OSBPL3: variants seen among roughly 807,000 people sequenced by gnomAD.
OSBPL3 encodes oxysterol-binding protein-related protein 3.
In OSBPL3, 65 loss-of-function variants were observed where a neutral mutation model predicts 120.1. That is an observed-to-expected ratio of 0.54 (90% CI 0.44 to 0.67). The LOEUF is 0.67. OSBPL3 is among the 30% of genes least tolerant of loss of function. The probability of loss-of-function intolerance (pLI) is 0.00; values close to 1 mark genes in which losing one functional copy is unlikely to be tolerated. For missense variants in OSBPL3, 1,004 were observed against 1,082.1 expected (o/e 0.93, Z 1.01); for synonymous variants, 416 against 402.6 (o/e 1.03, Z -0.40).
At chr7:24,909,257 C>T (rs1042323332) in intron 1 of OSBPL3, among the ~76,000 whole-genome samples, 4 of 152,166 alleles carry the variant, frequency 2.6e-5, no homozygotes, top group African/African-American at 9.7e-5. Context: ...GGTTCATGGG[C>T]ATCTAATAAG....
At chr7:24,905,415 G>A (rs1333880089) in intron 1 of OSBPL3, among the ~76,000 whole-genome samples, 1 of 152,166 alleles carries the variant, frequency 6.6e-6, no homozygotes, top group Admixed American at 6.5e-5. Context: ...AGTAAGCTAT[G>A]CCGGATGAGG....
Position 24,871,568 on chromosome 7 carries a change from C to G in OSBPL3, c.267+174G>C, listed in dbSNP as rs530688685. Among the ~76,000 whole-genome samples the G allele has an allele frequency of 6.6e-6, 1 of 152,226 alleles. No individual in the cohort carries two copies. Among genetic ancestry groups the G allele is most frequent in the East Asian group, 1.9e-4 (1 of 5,158 alleles). On this transcript the variant is annotated intron_variant, in intron 4 of 22. Transcript: ENST00000313367. The surrounding 1 kb of genome is among the most constrained non-coding windows in gnomAD (Gnocchi z 4.8). ...TGTTGCGGGAGCCCCTGCACCTTGACCTGGTGGAAGAACTGAGCCTGCCTG... is the reference window on the plus strand; with the variant it reads ...TGTTGCGGGAGCCCCTGCACCTTGAGCTGGTGGAAGAACTGAGCCTGCCTG...
Position 24,830,876 on chromosome 7 carries a change from C to A in OSBPL3, c.1776G>T (p.Ala592=). ...CAGCTCGGTAGTAGCTAGATGCATACGCTGATATGGCAAAGGCTGCCACAT... is the reference window on the plus strand; with the variant it reads ...CAGCTCGGTAGTAGCTAGATGCATAAGCTGATATGGCAAAGGCTGCCACAT... ...MVYVAAFAIS[A]YASSYYRAGS... Residue 592 remains alanine (A), a synonymous_variant, in exon 16 of 23, where the codon GCG becomes GCT. Transcript: ENST00000313367. This position sits in a 1 kb window ranked among gnomAD's most constrained non-coding sequence, Gnocchi z 4.4. 2 of 1,612,902 alleles carry A rather than the reference C, an allele frequency of 1.2e-6. No homozygotes were observed. The highest frequency in any genetic ancestry group is 1.7e-6 in the Non-Finnish European group (2 of 1,179,672).
In OSBPL3 at chr7:24,819,990, T is replaced by G. The variant is rs575244580; in HGVS notation, c.1948+185A>C. ...CATAAGATAAAGTTACAGAAATAAA[T>G]GGAGGTGGCTCAGATAAACTAAGTG... On this transcript the variant is annotated intron_variant, in intron 17 of 22. Coordinates refer to ENST00000313367, the MANE Select transcript of OSBPL3 (RefSeq NM_015550.4). The surrounding 1 kb of genome is among the most constrained non-coding windows in gnomAD (Gnocchi z 4.1). 6.6e-6 allele frequency among the ~76,000 whole-genome samples: 1 copy of G among 152,248 alleles called. No homozygotes were observed. The highest frequency in any genetic ancestry group is 1.9e-4 in the East Asian group (1 of 5,182).
Position 24,852,636 on chromosome 7 carries a change from TA to T in OSBPL3, c.1028-3del, listed in dbSNP as rs2128228931. ...AAGCTGACCTTAAAGTGAAGTAAACTATAGAGATAGAATCATTATAAAAAGG... is the reference window on the plus strand; with the variant it reads ...AAGCTGACCTTAAAGTGAAGTAAACTTAGAGATAGAATCATTATAAAAAGG... On this transcript the variant is annotated splice_region_variant and splice_polypyrimidine_tract_variant and intron_variant, in intron 10 of 22. Transcript: ENST00000313367. The surrounding 1 kb of genome is among the most constrained non-coding windows in gnomAD (Gnocchi z 4.1). 1 of 1,564,668 alleles carries T rather than the reference TA, an allele frequency of 6.4e-7. No homozygotes were observed. The highest frequency in any genetic ancestry group is 1.2e-5 in the South Asian group (1 of 83,826).
At chr7:24,860,826 T>G (rs77298886) in intron 10 of OSBPL3, among the ~76,000 whole-genome samples, 5,200 of 152,332 alleles carry the variant, frequency 0.034, 297 homozygotes, top group African/African-American at 0.12. Flanking sequence ...ACCATTCATC[T>G]GTTGAAAACC....
intron 12 of OSBPL3, among the ~76,000 whole-genome samples, chr7:24,845,458 T>TGTGTGTGC: frequency 6.9e-6 from 1 of 145,154 alleles, no homozygotes; most frequent in Non-Finnish European, 1.5e-5. Flanking sequence ...TGTGTGTGTG[T>TGTGTGTGC]GTATGTGTGT....
rs951514741 is a variant in OSBPL3 at position 24,922,536 on chromosome 7, T to C, written c.-149-29915A>G. 6.6e-5 allele frequency among the ~76,000 whole-genome samples: 10 copies of C among 152,238 alleles called. No individual in the cohort carries two copies. Among genetic ancestry groups the C allele is most frequent in the African/African-American group, 1.9e-4 (8 of 41,454 alleles). On this transcript the variant is annotated intron_variant, in intron 1 of 22. Transcript: ENST00000313367. The surrounding 1 kb of genome is among the most constrained non-coding windows in gnomAD (Gnocchi z 4.3). ...ACAATTAAATACATAAAATGCACTA[T>C]GTGATTCATCATTACAGTAAACCCC...
At chr7:24,969,405 A>C (rs975520783) in intron 1 of OSBPL3, among the ~76,000 whole-genome samples, 5 of 152,168 alleles carry the variant, frequency 3.3e-5, no homozygotes, top group Non-Finnish European at 7.3e-5. Flanking sequence ...CATTGCAATT[A>C]TTTTCCTAAA....
intron 1 of OSBPL3, among the ~76,000 whole-genome samples, chr7:24,917,317 C>T (rs374517160): frequency 7.4e-5 from 11 of 149,524 alleles, no homozygotes; most frequent in African/African-American, 2.2e-4. Context: ...ATACAGACTG[C>T]GCAATACAAG....
chr7:24,823,014 GA>G (rs1313830926), intron 16 of OSBPL3, among the ~76,000 whole-genome samples: 1 of 152,142 alleles, frequency 6.6e-6, no homozygotes, highest in Non-Finnish European at 1.5e-5. Flanking sequence ...GCTTTCTGGG[GA>G]GATTTACATT....
rs1436478480 is a variant in OSBPL3, at chr7:24,955,169, A to T, written c.-150+24717T>A. Among the ~76,000 whole-genome samples the T allele has an allele frequency of 6.6e-6, 1 of 152,216 alleles. No individual in the cohort carries two copies. Among genetic ancestry groups the T allele is most frequent in the East Asian group, 1.9e-4 (1 of 5,202 alleles). On this transcript the variant is annotated intron_variant, in intron 1 of 22. Coordinates refer to ENST00000313367, the MANE Select transcript of OSBPL3 (RefSeq NM_015550.4). The surrounding 1 kb of genome is among the most constrained non-coding windows in gnomAD (Gnocchi z 4.3). ...TTGAACAGTGTCTGGCACATAACAGACTTCCAAAAAATTATTTTTGAATTA... is the reference window on the plus strand; with the variant it reads ...TTGAACAGTGTCTGGCACATAACAGTCTTCCAAAAAATTATTTTTGAATTA...
chr7:24,835,768 A>G lies in OSBPL3; in HGVS notation c.1496-1032T>C, dbSNP rs1796924637. Among the ~76,000 whole-genome samples the G allele has an allele frequency of 6.6e-6, 1 of 152,188 alleles. No individual in the cohort carries two copies. Among genetic ancestry groups the G allele is most frequent in the Non-Finnish European group, 1.5e-5 (1 of 68,040 alleles). ...ATGGGATCATAGCCTTTGCAGCAAC[A>G]TAGATGGAGCTGGAGGCCGTTAACT... On this transcript the variant is annotated intron_variant, in intron 14 of 22. Transcript: ENST00000313367. The surrounding 1 kb of genome is among the most constrained non-coding windows in gnomAD (Gnocchi z 4.8).
chr7:24,975,661 T>C (rs1190999151), intron 1 of OSBPL3, among the ~76,000 whole-genome samples: 1 of 152,134 alleles, frequency 6.6e-6, no homozygotes, highest in African/African-American at 2.4e-5. Flanking sequence ...TAAGTTTGAA[T>C]ACATTACTAG....
intron 1 of OSBPL3, among the ~76,000 whole-genome samples, chr7:24,911,038 C>G (rs1156617262): frequency 1.3e-5 from 2 of 152,232 alleles, no homozygotes; most frequent in South Asian, 2.1e-4. Flanking sequence ...AAGGGTTGAG[C>G]CACTGCTCTA....
chr7:24,841,717 A>AAAAAAAAAAAAAAGAAAAG (rs70942886), intron 13 of OSBPL3, among the ~76,000 whole-genome samples: 1 of 82,792 alleles, frequency 1.2e-5, no homozygotes, highest in African/African-American at 4.8e-5. Flanking sequence ...AAAAAAAAAA[A>AAAAAAAAAAAAAAGAAAAG]AAAAGAGGCC....
In OSBPL3 at chr7:24,891,041, G is replaced by A. The variant is rs373622232; in HGVS notation, c.96+1336C>T. On this transcript the variant is annotated intron_variant, in intron 2 of 22. Transcript: ENST00000313367. The surrounding 1 kb of genome is among the most constrained non-coding windows in gnomAD (Gnocchi z 4.1). The stretch of plus-strand genomic sequence containing the variant: ...AACCCCTAGGTGTAAGGAAGATGGC[G>A]CAGGTAGGGGATATACCACATACTG... 3.9e-5 allele frequency among the ~76,000 whole-genome samples: 6 copies of A among 152,232 alleles called. No homozygotes were observed. The highest frequency in any genetic ancestry group is 2.1e-4 in the South Asian group (1 of 4,822).
At chr7:24,979,424 G>A (rs58289104) in intron 1 of OSBPL3, among the ~76,000 whole-genome samples, 2,773 of 152,274 alleles carry the variant, frequency 0.018, 91 homozygotes, top group African/African-American at 0.063. Context: ...GGCGAGCGGA[G>A]CGCCTGCCCC....
rs1015724028 is a variant in OSBPL3 at position 24,947,846 on chromosome 7, G to A, written c.-150+32040C>T. 7.3e-5 allele frequency among the ~76,000 whole-genome samples: 11 copies of A among 151,504 alleles called. No homozygotes were observed. Among genetic ancestry groups the A allele is most frequent in the African/African-American group, 1.9e-4 (8 of 41,204 alleles). Reference sequence around the variant, plus strand: ...TACCCATGTGCCAGATTCTGTGATCGGTGTTGGTAATTTGACACTGTACAG... The same window carrying A: ...TACCCATGTGCCAGATTCTGTGATCAGTGTTGGTAATTTGACACTGTACAG... On this transcript the variant is annotated intron_variant, in intron 1 of 22. Transcript: ENST00000313367. This position sits in a 1 kb window ranked among gnomAD's most constrained non-coding sequence, Gnocchi z 4.4.
Sources: gnomAD v4.1 joint callset for allele counts (sites outside exome capture counted in the v4.1 genomes callset) on GRCh38, gnomAD v4.1.1 for gene constraint, Gnocchi (gnomAD v3.1) non-coding constraint, MANE v1.5 for transcripts, NCBI Gene and HGNC (gene_info 2026-07-23, HGNC 2026-07-21) for gene names.